The following PURA variants were observed in gnomAD, a reference collection of about 807,000 sequenced individuals.
PURA encodes purine rich element binding protein A, also known as transcriptional activator protein Pur-alpha.
PURA carries 2 observed loss-of-function variants against 23.1 expected under a neutral mutation model. The observed-to-expected ratio is 0.09, with a 90% CI of 0.04 to 0.27. The LOEUF is 0.27. Among genes scored for constraint, PURA ranks in the 10% least tolerant of loss-of-function variants. PURA has a pLI of 1.00. For synonymous variants in PURA, 254 were observed against 205.9 expected (o/e 1.23, Z -2.00); for missense variants, 187 against 449.7 (o/e 0.42, Z 5.28).
At position 140,115,244 on chromosome 5, in the gene PURA, A is replaced by ATAAAAAGT. The variant is rs1198239824; in HGVS notation, c.*109_*116dup. On this transcript the variant is annotated 3_prime_UTR_variant, in exon 1 of 1. Coordinates refer to ENST00000331327, the MANE Select transcript of PURA (RefSeq NM_005859.5). This position sits in a 1 kb window ranked among gnomAD's most constrained non-coding sequence, Gnocchi z 4.1. ...AATATACTGTAAAGAAAGAGAGAAA[A>ATAAAAAGT]TAAAAAGTTAAAAAGTTAAAAAAAA... is the stretch of plus-strand genomic sequence containing the variant. The ATAAAAAGT allele has an allele frequency of 2.4e-6, 2 of 844,646 alleles. No homozygotes were observed. The highest frequency in any genetic ancestry group is 3.3e-6 in the Non-Finnish European group (2 of 601,174). 52.3% of individuals were successfully genotyped at this position (844,646 alleles called of 1,614,324 possible).
chr5:140,116,938 G>C lies in PURA; in HGVS notation c.*1788G>C, dbSNP rs1223348858. 1 of 166,880 alleles carries C rather than the reference G, an allele frequency of 6.0e-6. No homozygotes were observed. Among genetic ancestry groups the C allele is most frequent in the Non-Finnish European group, 1.5e-5 (1 of 68,088 alleles). The allele number at this position is 166,880 out of a possible 1,614,324, so 10.3% of individuals were successfully genotyped here. A position where few individuals can be genotyped will look rare whatever the true frequency, so the allele number is the denominator to read the frequency against. On this transcript the variant is annotated 3_prime_UTR_variant, in exon 1 of 1. Transcript: ENST00000331327. ...TGTATGTATAAGACACCACCTGTAG[G>C]AGCGGGAAGGTATCAGTGCTTCTTA...
chr5:140,114,283 T>C lies in PURA; in HGVS notation c.102T>C (p.Gly34=), dbSNP rs1446546980. Residue 34 remains glycine (G), a synonymous_variant, in exon 1 of 1, where the codon GGT becomes GGC. Coordinates refer to ENST00000331327, the MANE Select transcript of PURA (RefSeq NM_005859.5). ...PGSGSGSGGG[G]GGGGGGGGSG... ...CGGGCTCAGGCTCCGGCGGGGGCGG[T>C]GGTGGCGGCGGGGGCGGCGGCGGCA... 1.7e-6 allele frequency: 2 copies of C among 1,177,588 alleles called. No individual in the cohort carries two copies. The highest frequency in any genetic ancestry group is 2.1e-6 in the Non-Finnish European group (2 of 972,078). 72.9% of individuals were successfully genotyped at this position (1,177,588 alleles called of 1,614,324 possible). A position where few individuals can be genotyped will look rare whatever the true frequency, so the allele number is the denominator to read the frequency against.
Position 140,115,358 on chromosome 5 carries a change from ATGT to A in PURA, c.*212_*214del, listed in dbSNP as rs755577217. 2.9e-5 allele frequency: 12 copies of A among 414,358 alleles called. No homozygotes were observed. Among genetic ancestry groups the A allele is most frequent in the Non-Finnish European group, 5.3e-5 (12 of 227,198 alleles). 25.7% of individuals were successfully genotyped at this position (414,358 alleles called of 1,614,324 possible). A position where few individuals can be genotyped will look rare whatever the true frequency, so the allele number is the denominator to read the frequency against. ...TTCTTGACTTGCCACCCATCGCTGG[ATGT>A]TGTCCACTTTATCCACCATATAAAA... On this transcript the variant is annotated 3_prime_UTR_variant, in exon 1 of 1. Coordinates refer to ENST00000331327, the MANE Select transcript of PURA (RefSeq NM_005859.5). The surrounding 1 kb of genome is among the most constrained non-coding windows in gnomAD (Gnocchi z 4.1).
chr5:140,114,286 TGGCGGCGGGGGCGGCGGCGGCAGTGGC>T lies in PURA; in HGVS notation c.114_140del (p.Gly41_Gly49del), dbSNP rs1271325628. 2 of 1,203,432 alleles carry T rather than the reference TGGCGGCGGGGGCGGCGGCGGCAGTGGC, an allele frequency of 1.7e-6. No individual in the cohort carries two copies. Among genetic ancestry groups the T allele is most frequent in the Non-Finnish European group, 2.0e-6 (2 of 984,670 alleles). 74.5% of individuals were successfully genotyped at this position (1,203,432 alleles called of 1,614,324 possible). On this transcript the variant is annotated inframe_deletion, in exon 1 of 1. Coordinates refer to ENST00000331327, the MANE Select transcript of PURA (RefSeq NM_005859.5). Reference sequence around the variant, plus strand: ...GCTCAGGCTCCGGCGGGGGCGGTGGTGGCGGCGGGGGCGGCGGCGGCAGTGGCGGCGGCGGCGGCGGGGCCCCAGGGG... The same window carrying T: ...GCTCAGGCTCCGGCGGGGGCGGTGGTGGCGGCGGCGGCGGGGCCCCAGGGG...
Position 140,115,058 on chromosome 5 carries a change from GAGCAGCTTCACC to G in PURA, c.884_895del (p.Leu295_Gln298del). ...GCAGAGGGAGAAGCGGGCTGCCTGTGAGCAGCTTCACCAGCAGCAACAGCAGCAGCAGGAGGA... is the reference window on the plus strand; with the variant it reads ...GCAGAGGGAGAAGCGGGCTGCCTGTGAGCAGCAACAGCAGCAGCAGGAGGA... On this transcript the variant is annotated inframe_deletion, in exon 1 of 1. Transcript: ENST00000331327. This position sits in a 1 kb window ranked among gnomAD's most constrained non-coding sequence, Gnocchi z 4.1. The G allele has an allele frequency of 6.2e-7, 1 of 1,613,852 alleles. No individual in the cohort carries two copies. The highest frequency in any genetic ancestry group is 8.5e-7 in the Non-Finnish European group (1 of 1,179,984).
In PURA at chr5:140,124,396, T is replaced by TA. The variant is rs1291666259; in HGVS notation, c.*9247dup. The stretch of plus-strand genomic sequence containing the variant: ...GGTGTTTTACTTTTTGACATGCTCT[T>TA]AGCATGTTTTGCTAGTCATTCTGGA... On this transcript the variant is annotated 3_prime_UTR_variant, in exon 1 of 1. Transcript: ENST00000331327. 6.0e-6 allele frequency: 1 copy of TA among 167,042 alleles called. No individual in the cohort carries two copies. Among genetic ancestry groups the TA allele is most frequent in the Non-Finnish European group, 1.5e-5 (1 of 68,082 alleles). The allele number at this position is 167,042 out of a possible 1,614,324, so 10.3% of individuals were successfully genotyped here. A position where few individuals can be genotyped will look rare whatever the true frequency, so the allele number is the denominator to read the frequency against.
chr5:140,114,871 C>T lies in PURA; in HGVS notation c.690C>T (p.Arg230=). Residue 230 remains arginine, a synonymous_variant, in exon 1 of 1, where the codon CGC becomes CGT. Transcript: ENST00000331327. The stretch of plus-strand genomic sequence containing the variant: ...CCTCCTTGACTGTGGACAACAAGCG[C>T]TTCTTCTTCGATGTGGGCTCCAACA... The part of the protein sequence containing the change: ...EGTSLTVDNK[R]FFFDVGSNKY... 6.2e-7 allele frequency: 1 copy of T among 1,614,272 alleles called. No homozygotes were observed. The highest frequency in any genetic ancestry group is 8.5e-7 in the Non-Finnish European group (1 of 1,180,046).
chr5:140,114,715 T>A lies in PURA; in HGVS notation c.534T>A (p.Pro178=), dbSNP rs1176291675. ...LRIRQTVNRG[P]GLGSTQGQTI... Reference sequence around the variant, plus strand: ...TCCGCCAGACGGTCAACCGGGGGCCTGGCCTGGGCTCCACGCAGGGCCAGA... The same window carrying A: ...TCCGCCAGACGGTCAACCGGGGGCCAGGCCTGGGCTCCACGCAGGGCCAGA... Residue 178 remains proline, a synonymous_variant, in exon 1 of 1, where the codon CCT becomes CCA. Transcript: ENST00000331327. The A allele has an allele frequency of 1.9e-6, 3 of 1,612,842 alleles. No homozygotes were observed. The highest frequency in any genetic ancestry group is 2.5e-6 in the Non-Finnish European group (3 of 1,179,744).
Position 140,122,814 on chromosome 5 carries a change from G to A in PURA, c.*7664G>A, listed in dbSNP as rs1479542808. ...AAGATAAATAATTACTGTAATGTTT[G>A]TTTTTAAGTTACATAATTCAAGTAT... On this transcript the variant is annotated 3_prime_UTR_variant, in exon 1 of 1. Transcript: ENST00000331327. 6.0e-6 allele frequency: 1 copy of A among 166,724 alleles called. No individual in the cohort carries two copies. Among genetic ancestry groups the A allele is most frequent in the African/African-American group, 2.4e-5 (1 of 41,410 alleles). 10.3% of individuals were successfully genotyped at this position (166,724 alleles called of 1,614,324 possible).
In PURA at chr5:140,123,462, C is replaced by T. The variant is rs1305948038; in HGVS notation, c.*8312C>T. On this transcript the variant is annotated 3_prime_UTR_variant, in exon 1 of 1. Coordinates refer to ENST00000331327, the MANE Select transcript of PURA (RefSeq NM_005859.5). ...ATTTTTTGAAAGTTAAGGCTAGTCA[C>T]TTTCACTTTTGTTTCTAGTCTTTTC... 1 of 166,886 alleles carries T rather than the reference C, an allele frequency of 6.0e-6. No individual in the cohort carries two copies. Among genetic ancestry groups the T allele is most frequent in the Non-Finnish European group, 1.5e-5 (1 of 68,072 alleles). 10.3% of individuals were successfully genotyped at this position (166,886 alleles called of 1,614,324 possible).
Position 140,116,024 on chromosome 5 carries a change from A to G in PURA, c.*874A>G, listed in dbSNP as rs1763073616. 6.0e-6 allele frequency: 1 copy of G among 167,122 alleles called. No individual in the cohort carries two copies. The highest frequency in any genetic ancestry group is 2.4e-5 in the African/African-American group (1 of 41,450). 10.4% of individuals were successfully genotyped at this position (167,122 alleles called of 1,614,324 possible). A position where few individuals can be genotyped will look rare whatever the true frequency, so the allele number is the denominator to read the frequency against. On this transcript the variant is annotated 3_prime_UTR_variant, in exon 1 of 1. Coordinates refer to ENST00000331327, the MANE Select transcript of PURA (RefSeq NM_005859.5). ...TTGGAACCAAAGTTATTCAAATAGT[A>G]AAAGGAAAAAGAAAGAAAAAGGAGA...
rs1251476450 is a variant in PURA at position 140,123,258 on chromosome 5, C to G, written c.*8108C>G. 2 of 166,952 alleles carry G rather than the reference C, an allele frequency of 1.2e-5. No individual in the cohort carries two copies. Among genetic ancestry groups the G allele is most frequent in the Non-Finnish European group, 2.9e-5 (2 of 68,042 alleles). The allele number at this position is 166,952 out of a possible 1,614,324, so 10.3% of individuals were successfully genotyped here. ...ACTTGTGATTTAAATGACTGTGAGA[C>G]AAGTCCTTGAAAGGCTTAAGTCTAG... On this transcript the variant is annotated 3_prime_UTR_variant, in exon 1 of 1. Coordinates refer to ENST00000331327, the MANE Select transcript of PURA (RefSeq NM_005859.5).
In PURA at chr5:140,114,712, G is replaced by A; in HGVS notation, c.531G>A (p.Gly177=). Residue 177 remains glycine, a synonymous_variant, in exon 1 of 1, where the codon GGG becomes GGA. Coordinates refer to ENST00000331327, the MANE Select transcript of PURA (RefSeq NM_005859.5). The part of the protein sequence containing the change: ...FLRIRQTVNR[G]PGLGSTQGQT... ...GCATCCGCCAGACGGTCAACCGGGG[G>A]CCTGGCCTGGGCTCCACGCAGGGCC... 2 of 1,612,848 alleles carry A rather than the reference G, an allele frequency of 1.2e-6. No individual in the cohort carries two copies. The highest frequency in any genetic ancestry group is 1.7e-6 in the Non-Finnish European group (2 of 1,179,754).
At position 140,114,958 on chromosome 5, in the gene PURA, G is replaced by T. The variant is rs146964273; in HGVS notation, c.777G>T (p.Val259=). 5.6e-6 allele frequency: 9 copies of T among 1,614,210 alleles called. No individual in the cohort carries two copies. In the East Asian group the frequency reaches 2.0e-4, roughly 36 times the overall value. The change falls in exon 1 of 1, where the codon GTG becomes GTT. Residue 259 remains valine, a synonymous_variant. Coordinates refer to ENST00000331327, the MANE Select transcript of PURA (RefSeq NM_005859.5). ...CCACCTATCGCAACTCCATCACCGT[G>T]CCCTACAAGGTGTGGGCCAAGTTCG... The part of the protein sequence containing the change: ...VKPTYRNSIT[V]PYKVWAKFGH...
chr5:140,114,178 C>T lies in PURA; in HGVS notation c.-4C>T. The T allele has an allele frequency of 1.4e-6, 1 of 727,848 alleles. No individual in the cohort carries two copies. 45.1% of individuals were successfully genotyped at this position (727,848 alleles called of 1,614,324 possible). A position where few individuals can be genotyped will look rare whatever the true frequency, so the allele number is the denominator to read the frequency against. On this transcript the variant is annotated 5_prime_UTR_variant, in exon 1 of 1. Transcript: ENST00000331327. ...GCGGCGGCGCGGCAGCGGAGCGCAG[C>T]ATCATGGCGGACCGAGACAGCGGCA...
rs973421729 is a variant in PURA at position 140,123,739 on chromosome 5, A to G, written c.*8589A>G. 2 of 167,032 alleles carry G rather than the reference A, an allele frequency of 1.2e-5. No individual in the cohort carries two copies. The highest frequency in any genetic ancestry group is 2.9e-5 in the Non-Finnish European group (2 of 68,078). 10.3% of individuals were successfully genotyped at this position (167,032 alleles called of 1,614,324 possible). A position where few individuals can be genotyped will look rare whatever the true frequency, so the allele number is the denominator to read the frequency against. ...GAATATATATGTATGTGTATATGAA[A>G]TGATGTCTTCGAGTTTTAACTTCCA... On this transcript the variant is annotated 3_prime_UTR_variant, in exon 1 of 1. Coordinates refer to ENST00000331327, the MANE Select transcript of PURA (RefSeq NM_005859.5).
In PURA at chr5:140,118,604, C is replaced by G. The variant is rs549504210; in HGVS notation, c.*3454C>G. On this transcript the variant is annotated 3_prime_UTR_variant, in exon 1 of 1. Transcript: ENST00000331327. Reference sequence around the variant, plus strand: ...AAGAAAAGCCATGTCGGCTTTTCCTCTACTAGATACAGATTGGAGGTAGAT... The same window carrying G: ...AAGAAAAGCCATGTCGGCTTTTCCTGTACTAGATACAGATTGGAGGTAGAT... 423 of 166,932 alleles carry G rather than the reference C, an allele frequency of 2.5e-3. 3 individuals are homozygous for G. The highest frequency in any genetic ancestry group is 3.3e-3 in the Admixed American group (51 of 15,266). The allele number at this position is 166,932 out of a possible 1,614,324, so 10.3% of individuals were successfully genotyped here.
rs756490439 is a variant in PURA, at chr5:140,124,924, G to GT, written c.*9777dup. 2 of 166,960 alleles carry GT rather than the reference G, an allele frequency of 1.2e-5. No individual in the cohort carries two copies. Among genetic ancestry groups the GT allele is most frequent in the Non-Finnish European group, 2.9e-5 (2 of 68,090 alleles). The allele number at this position is 166,960 out of a possible 1,614,324, so 10.3% of individuals were successfully genotyped here. A position where few individuals can be genotyped will look rare whatever the true frequency, so the allele number is the denominator to read the frequency against. ...ACCAGCTTAATTAATGATTTTTCCAGTTTGAAGCACTTATTTTCCCAATGT... is the reference window on the plus strand; with the variant it reads ...ACCAGCTTAATTAATGATTTTTCCAGTTTTGAAGCACTTATTTTCCCAATGT... On this transcript the variant is annotated 3_prime_UTR_variant, in exon 1 of 1. Coordinates refer to ENST00000331327, the MANE Select transcript of PURA (RefSeq NM_005859.5).
At position 140,120,382 on chromosome 5, in the gene PURA, A is replaced by G. The variant is rs1763139390; in HGVS notation, c.*5232A>G. ...TTTGTTAAAGTGTATCAATTTTTAA[A>G]TCACAATATTTCTGTTTTCTTCATT... is the stretch of plus-strand genomic sequence containing the variant. On this transcript the variant is annotated 3_prime_UTR_variant, in exon 1 of 1. Transcript: ENST00000331327. 1 of 166,866 alleles carries G rather than the reference A, an allele frequency of 6.0e-6. No homozygotes were observed. Among genetic ancestry groups the G allele is most frequent in the Admixed American group, 6.6e-5 (1 of 15,246 alleles). 10.3% of individuals were successfully genotyped at this position (166,866 alleles called of 1,614,324 possible).
Sources: allele counts gnomAD v4.1 joint callset, GRCh38; gene constraint gnomAD v4.1.1; non-coding constraint Gnocchi (gnomAD v3.1); transcripts MANE v1.5; gene names NCBI Gene and HGNC (gene_info 2026-07-23, HGNC 2026-07-21).